The following EPHB2 variants were observed in gnomAD, a reference collection of about 807,000 sequenced individuals.
The protein encoded by EPHB2 is ephrin type-B receptor 2.
In EPHB2, 18 loss-of-function variants were observed where a neutral mutation model predicts 96.4. The observed-to-expected ratio is 0.19, with a 90% CI of 0.13 to 0.28. The LOEUF (loss-of-function observed/expected upper bound fraction) is 0.28. EPHB2 is among the 10% of genes least tolerant of loss of function. The pLI is 1.00. For synonymous variants in EPHB2, 506 were observed against 534.1 expected, an observed-to-expected ratio of 0.95 and a Z score of 0.72; for missense variants, 989 against 1,355.4, an observed-to-expected ratio of 0.73 and a Z score of 4.25.
chr1:22,874,936 G>A (rs1019707578), intron 5 of EPHB2, among the ~76,000 whole-genome samples: 1 of 152,210 alleles, frequency 6.6e-6, no homozygotes, highest in Non-Finnish European at 1.5e-5. Context: ...GTTAAACCGA[G>A]TTAACTGGAT....
At chr1:22,881,270 C>A (rs1036602114) in intron 5 of EPHB2, among the ~76,000 whole-genome samples, 1 of 152,100 alleles carries the variant, frequency 6.6e-6, no homozygotes, top group African/African-American at 2.4e-5. Flanking sequence ...TGGTGGTGCA[C>A]ACCTGTAATC....
chr1:22,726,940 G>T (rs1318753837), intron 1 of EPHB2, among the ~76,000 whole-genome samples: 1 of 152,176 alleles, frequency 6.6e-6, no homozygotes, highest in Non-Finnish European at 1.5e-5. Flanking sequence ...TCTTAGCAGG[G>T]GGAACAGCCT....
At chr1:22,724,236 A>ATG (rs143080293) in intron 1 of EPHB2, among the ~76,000 whole-genome samples, 2,925 of 151,246 alleles carry the variant, frequency 0.019, 43 homozygotes, top group African/African-American at 0.047. Flanking sequence ...TCCCCCTTGC[A>ATG]TGTGTGTGTG....
At chr1:22,785,139 C>G in intron 3 of EPHB2, 63 bp downstream of exon 3, 1 of 1,588,162 alleles carries the variant, frequency 6.3e-7, no homozygotes, top group Non-Finnish European at 8.6e-7. Context: ...GCTGCAGACT[C>G]GGGCTGCAGA....
chr1:22,726,307 A>G (rs1278737763), intron 1 of EPHB2, among the ~76,000 whole-genome samples: 2 of 151,956 alleles, frequency 1.3e-5, no homozygotes, highest in African/African-American at 2.4e-5. Flanking sequence ...TATCATGATC[A>G]TAGCAGCCTC....
intron 3 of EPHB2, among the ~76,000 whole-genome samples, chr1:22,861,056 C>T (rs1162531584): frequency 6.6e-6 from 1 of 152,224 alleles, no homozygotes; most frequent in African/African-American, 2.4e-5. Context: ...TGTCTAAGGT[C>T]TCTCAGCAAA....
chr1:22,898,049 G>A (rs1217087588), intron 9 of EPHB2, among the ~76,000 whole-genome samples: 4 of 149,220 alleles, frequency 2.7e-5, no homozygotes, highest in Admixed American at 6.7e-5. Context: ...GTTGCAGTGA[G>A]CCGAGGTTGC....
intron 1 of EPHB2, among the ~76,000 whole-genome samples, chr1:22,757,953 C>G (rs1312749586): frequency 1.4e-5 from 2 of 141,030 alleles, no homozygotes; most frequent in East Asian, 4.3e-4. Flanking sequence ...GAGTCTCGCT[C>G]TGTTGCCCAG....
chr1:22,851,781 A>G (rs1645629398), intron 3 of EPHB2, among the ~76,000 whole-genome samples: 1 of 152,128 alleles, frequency 6.6e-6, no homozygotes, highest in African/African-American at 2.4e-5. Context: ...CACGCACACC[A>G]TGCTGTTTCA....
At position 22,892,804 on chromosome 1, in the gene EPHB2, A is replaced by G. The variant is rs1639430385; in HGVS notation, c.1429-80A>G. The G allele has an allele frequency of 1.0e-5, 16 of 1,565,522 alleles. No homozygotes were observed. In the Middle Eastern group the frequency reaches 6.7e-4, roughly 65 times the overall value. ...TTATCCAATGGCCAGACCTGCCCCCAATGTGGCAGGAGCAGGCAGTGGGCT... is the reference window on the plus strand; with the variant it reads ...TTATCCAATGGCCAGACCTGCCCCCGATGTGGCAGGAGCAGGCAGTGGGCT... On this transcript the variant is annotated intron_variant, in intron 6 of 15. Transcript: ENST00000374630.
At chr1:22,871,631 G>A (rs1638670041) in intron 5 of EPHB2, among the ~76,000 whole-genome samples, 1 of 152,186 alleles carries the variant, frequency 6.6e-6, no homozygotes, top group Non-Finnish European at 1.5e-5. Flanking sequence ...ATGGCAGCTT[G>A]GCTTAGTTCC....
chr1:22,907,286 C>T (rs963192600), intron 11 of EPHB2, among the ~76,000 whole-genome samples: 3 of 152,176 alleles, frequency 2.0e-5, no homozygotes, highest in East Asian at 1.9e-4. Context: ...CAGGAGAAAA[C>T]GGGCTCAAAG....
intron 3 of EPHB2, among the ~76,000 whole-genome samples, chr1:22,823,976 G>T (rs986242300): frequency 1.3e-5 from 2 of 152,246 alleles, no homozygotes; most frequent in Admixed American, 6.5e-5. Context: ...GTGTTGGTAG[G>T]TTCACTGGCT....
Position 22,910,519 on chromosome 1 carries a change from A to G in EPHB2, c.2640A>G (p.Leu880=), listed in dbSNP as rs147815673. 5.8e-5 allele frequency: 93 copies of G among 1,614,182 alleles called. No homozygotes were observed. The African/African-American group carries it at 1.2e-3, about 20-fold the overall frequency. ...RPKFGQIVNT[L]DKMIRNPNSL... ...AGTTCGGCCAAATTGTCAACACGCT[A>G]GACAAGATGATCCGCAATCCCAACA... The change falls in exon 14 of 16, where the codon CTA becomes CTG. Residue 880 remains leucine (L), a synonymous_variant. Transcript: ENST00000374630.
chr1:22,768,648 C>T (rs2148403672), intron 1 of EPHB2, among the ~76,000 whole-genome samples: 1 of 151,874 alleles, frequency 6.6e-6, no homozygotes, highest in South Asian at 2.1e-4. Flanking sequence ...AGTCATGCTG[C>T]CACTGCACTC....
chr1:22,860,256 C>T lies in EPHB2; in HGVS notation c.812-2781C>T, dbSNP rs1645773548. Among the ~76,000 whole-genome samples the T allele has an allele frequency of 6.6e-6, 1 of 152,090 alleles. No individual in the cohort carries two copies. Among genetic ancestry groups the T allele is most frequent in the Admixed American group, 6.6e-5 (1 of 15,262 alleles). On this transcript the variant is annotated intron_variant, in intron 3 of 15. Transcript: ENST00000374630. The surrounding 1 kb of genome is among the most constrained non-coding windows in gnomAD (Gnocchi z 4.6). The stretch of plus-strand genomic sequence containing the variant: ...CTGAGGAGTGGGTGGAAAGAGCTTT[C>T]TAGATGCTGGCAGCGGGGGGAGCGG...
chr1:22,889,520 T>TG (rs1471220304), intron 6 of EPHB2, among the ~76,000 whole-genome samples: 1 of 152,180 alleles, frequency 6.6e-6, no homozygotes, highest in Non-Finnish European at 1.5e-5. Flanking sequence ...GTGGCAAACC[T>TG]GGGGGGATCC....
At chr1:22,824,347 C>T (rs528693933) in intron 3 of EPHB2, among the ~76,000 whole-genome samples, 1 of 152,234 alleles carries the variant, frequency 6.6e-6, no homozygotes, top group Admixed American at 6.5e-5. Context: ...AGGCCTCCAT[C>T]CAACTCAGGC....
chr1:22,768,395 CTCTT>C (rs1222353878), intron 1 of EPHB2, among the ~76,000 whole-genome samples: 1 of 152,178 alleles, frequency 6.6e-6, no homozygotes, highest in Admixed American at 6.5e-5. Flanking sequence ...GTATTCAAGA[CTCTT>C]TGTGAGGCCA....
Sources: gnomAD v4.1 joint callset for allele counts (sites outside exome capture counted in the v4.1 genomes callset) on GRCh38, gnomAD v4.1.1 for gene constraint, Gnocchi (gnomAD v3.1) non-coding constraint, MANE v1.5 for transcripts, NCBI Gene and HGNC (gene_info 2026-07-23, HGNC 2026-07-21) for gene names.